ZNF638: variants seen among roughly 807,000 people sequenced by gnomAD.
ZNF638 encodes zinc finger protein 638.
A neutral mutation model predicts 195.6 loss-of-function variants in ZNF638; 46 were observed. The observed-to-expected ratio is 0.24, with a 90% CI of 0.19 to 0.30. The LOEUF is 0.30. ZNF638 is among the 10% of genes least tolerant of loss of function. The probability of loss-of-function intolerance (pLI) is 1.00; values close to 1 mark genes in which losing one functional copy is unlikely to be tolerated. For synonymous variants in ZNF638, 845 were observed against 772.0 expected (o/e 1.09, Z -1.57); for missense variants, 2,440 against 2,325.3 (o/e 1.05, Z -1.01).
intron 20 of ZNF638, 124 bp downstream of exon 20, chr2:71,408,371 C>A: frequency 8.4e-7 from 1 of 1,194,760 alleles, no homozygotes; most frequent in Non-Finnish European, 1.1e-6. Flanking sequence ...GTGTTGCAAT[C>A]AGTGTTCCAA....
rs1005990116 is a variant in ZNF638 at position 71,424,137 on chromosome 2, A to G, written c.4524+99A>G. 32 of 1,450,612 alleles carry G rather than the reference A, an allele frequency of 2.2e-5. 1 individual carries two copies. Among genetic ancestry groups the G allele is most frequent in the African/African-American group, 2.1e-4 (15 of 69,914 alleles). 89.9% of individuals were successfully genotyped at this position (1,450,612 alleles called of 1,614,324 possible). On this transcript the variant is annotated intron_variant, in intron 22 of 27. Coordinates refer to ENST00000264447, the MANE Select transcript of ZNF638 (RefSeq NM_014497.5). ...AGATGTAATTTTGTTTCATACTTTC[A>G]TCTCCTCACTCTACCCCGGAAGCTC... is the stretch of plus-strand genomic sequence containing the variant.
In ZNF638 at chr2:71,388,344, T is replaced by C. The variant is rs555489813; in HGVS notation, c.2377+7779T>C. 3.0e-4 allele frequency: 155 copies of C among 523,702 alleles called. 2 individuals carry two copies. Among genetic ancestry groups the C allele is most frequent in the African/African-American group, 9.5e-4 (45 of 47,190 alleles). 32.4% of individuals were successfully genotyped at this position (523,702 alleles called of 1,614,324 possible). A position where few individuals can be genotyped will look rare whatever the true frequency, so the allele number is the denominator to read the frequency against. ...TTTGATCATCCGACCTTTGATCATC[T>C]GACCTTTGATCATCTGACCTTTGAT... On this transcript the variant is annotated intron_variant, in intron 10 of 27. Coordinates refer to ENST00000264447, the MANE Select transcript of ZNF638 (RefSeq NM_014497.5).
intron 17 of ZNF638, among the ~76,000 whole-genome samples, chr2:71,405,217 T>C (rs578054601): frequency 1.3e-5 from 2 of 152,362 alleles, no homozygotes; most frequent in Non-Finnish European, 2.9e-5. Context: ...TGCTCTGTGC[T>C]GTTTTATTTG....
rs1202587525 is a variant in ZNF638 at position 71,349,838 on chromosome 2, G to A, written c.884G>A (p.Gly295Asp). Reference protein sequence around the residue: ...FSVESGTKMSGLHISGGQSVL... With the variant: ...FSVESGTKMSDLHISGGQSVL... ...GTTGAGAGTGGAACCAAGATGTCAGGCTTACACATTTCAGGAGGACAGTCA... is the reference window on the plus strand; with the variant it reads ...GTTGAGAGTGGAACCAAGATGTCAGACTTACACATTTCAGGAGGACAGTCA... The change falls in exon 2 of 28, where the codon GGC (glycine) becomes GAC (aspartate). Residue 295 changes from glycine to aspartate, a missense_variant. Physicochemically the swap from Gly to Asp is moderately conservative, Grantham distance 94 (BLOSUM62 -1). This residue lies in a region of ZNF638 where 305 missense variants were observed against 283.6 expected (regional missense o/e 1.08). Transcript: ENST00000264447. 6.2e-7 allele frequency: 1 copy of A among 1,613,998 alleles called. No individual in the cohort carries two copies. The highest frequency in any genetic ancestry group is 8.5e-7 in the Non-Finnish European group (1 of 1,180,038).
At chr2:71,432,425 C>T (rs921273465) in intron 26 of ZNF638, among the ~76,000 whole-genome samples, 2 of 152,100 alleles carry the variant, frequency 1.3e-5, no homozygotes, top group African/African-American at 4.8e-5. Context: ...GGTCTCAAAC[C>T]CCTGAGCTCA....
At chr2:71,417,083 C>T (rs1304141187) in intron 20 of ZNF638, among the ~76,000 whole-genome samples, 3 of 126,308 alleles carry the variant, frequency 2.4e-5, no homozygotes, top group Admixed American at 8.1e-5. Context: ...AGCCTCGTTG[C>T]CGCCTTGCAG....
In ZNF638 at chr2:71,425,698, T is replaced by C. The variant is rs530488881; in HGVS notation, c.4591-762T>C. Among the ~76,000 whole-genome samples, 3 of 152,260 alleles carry C rather than the reference T, an allele frequency of 2.0e-5. No homozygotes were observed. The East Asian group carries it at 5.8e-4, about 29-fold the overall frequency. The stretch of plus-strand genomic sequence containing the variant: ...ATTATTATTATTTTGCAACGAAATC[T>C]CACTCCTGTCCCCCAGGCTGGAGTG... On this transcript the variant is annotated intron_variant, in intron 23 of 27. Coordinates refer to ENST00000264447, the MANE Select transcript of ZNF638 (RefSeq NM_014497.5).
intron 10 of ZNF638, chr2:71,393,566 C>T (rs1360690081): frequency 4.2e-6 from 3 of 717,948 alleles, no homozygotes; most frequent in Non-Finnish European, 7.8e-6. Context: ...AAGAAGACAA[C>T]TTACAAGGCT....
In ZNF638 at chr2:71,411,378, C is replaced by A. The variant is rs147134591; in HGVS notation, c.3261+3131C>A. ...TCTGTTTTTCTGGAAATAATACCAGCACTGATTTCATAGATGCTGTATTCT... is the reference window on the plus strand; with the variant it reads ...TCTGTTTTTCTGGAAATAATACCAGAACTGATTTCATAGATGCTGTATTCT... On this transcript the variant is annotated intron_variant, in intron 20 of 27. Coordinates refer to ENST00000264447, the MANE Select transcript of ZNF638 (RefSeq NM_014497.5). 2.4e-3 allele frequency among the ~76,000 whole-genome samples: 359 copies of A among 151,186 alleles called. 1 individual carries two copies. The highest frequency in any genetic ancestry group is 8.4e-3 in the African/African-American group (348 of 41,370).
chr2:71,394,379 T>A (rs910680220), intron 10 of ZNF638, among the ~76,000 whole-genome samples: 4 of 152,108 alleles, frequency 2.6e-5, no homozygotes, highest in Non-Finnish European at 5.9e-5. Flanking sequence ...CCAGTAACAA[T>A]TATACTATGA....
chr2:71,380,321 C>CATAT (rs1287942367), intron 9 of ZNF638, 41 bp downstream of exon 9: 1 of 1,403,458 alleles, frequency 7.1e-7, no homozygotes, highest in Non-Finnish European at 9.7e-7. Flanking sequence ...ATGAAATGTG[C>CATAT]ATATGACTTA....
Position 71,431,382 on chromosome 2 carries a change from T to C in ZNF638, c.5706T>C (p.Thr1902=). 1 of 1,614,116 alleles carries C rather than the reference T, an allele frequency of 6.2e-7. No homozygotes were observed. Residue 1902 remains threonine, a synonymous_variant, in exon 26 of 28, where the codon ACT becomes ACC. Coordinates refer to ENST00000264447, the MANE Select transcript of ZNF638 (RefSeq NM_014497.5). ...AACCAGAGCGAAAACGCAAGAAGAC[T>C]GAAGACTCTTCTTCAGGCAAATCAG... ...DSEPERKRKK[T]EDSSSGKSVA...
At position 71,355,795 on chromosome 2, in the gene ZNF638, T is replaced by A; in HGVS notation, c.1379+15T>A. 6.5e-7 allele frequency: 1 copy of A among 1,531,374 alleles called. No individual in the cohort carries two copies. Among genetic ancestry groups the A allele is most frequent in the Non-Finnish European group, 8.9e-7 (1 of 1,119,830 alleles). 94.9% of individuals were successfully genotyped at this position (1,531,374 alleles called of 1,614,324 possible). A position where few individuals can be genotyped will look rare whatever the true frequency, so the allele number is the denominator to read the frequency against. On this transcript the variant is annotated intron_variant, in intron 3 of 27. Coordinates refer to ENST00000264447, the MANE Select transcript of ZNF638 (RefSeq NM_014497.5). ...TTACGTCAACAGTAAGAATATATTT[T>A]TCCTTTATTATAGATAGCATATTTA...
chr2:71,388,388 CTGACCTTTGAT>C (rs1188445822), intron 10 of ZNF638: 1 of 642,930 alleles, frequency 1.6e-6, no homozygotes, highest in East Asian at 3.1e-5. Context: ...CTTTGATCAT[CTGACCTTTGAT>C]CATCCGCGTG....
At chr2:71,382,251 A>G (rs986923399) in intron 10 of ZNF638, among the ~76,000 whole-genome samples, 2 of 152,178 alleles carry the variant, frequency 1.3e-5, no homozygotes, top group African/African-American at 2.4e-5. Context: ...AGTATCTGCT[A>G]GAGATATTCT....
At chr2:71,408,035 C>T (rs930696788) in intron 19 of ZNF638, 87 bp from the exon 20 acceptor site, 2 of 1,303,578 alleles carry the variant, frequency 1.5e-6, no homozygotes, top group Non-Finnish European at 2.1e-6. Flanking sequence ...TAGGTGTATA[C>T]TAAAAAGTGG....
chr2:71,378,209 G>C (rs140619515), intron 8 of ZNF638, among the ~76,000 whole-genome samples: 1 of 152,138 alleles, frequency 6.6e-6, no homozygotes, highest in East Asian at 1.9e-4. Context: ...GATAATTTTC[G>C]TGTGAAATGT....
At chr2:71,333,049 A>G (rs1176309125) in intron 1 of ZNF638, 1 of 152,208 alleles carries the variant, frequency 6.6e-6, no homozygotes, top group Non-Finnish European at 1.5e-5. Flanking sequence ...AAAATTGATA[A>G]CCTGGAGAAA....
chr2:71,363,005 C>T (rs1283712311), intron 3 of ZNF638, 148 bp from the exon 4 acceptor site: 5 of 678,258 alleles, frequency 7.4e-6, no homozygotes, highest in Non-Finnish European at 1.3e-5. Flanking sequence ...TAGCATAATA[C>T]TTTGATTATT....
Sources: allele counts gnomAD v4.1 joint callset (sites outside exome capture counted in the v4.1 genomes callset), GRCh38; gene constraint gnomAD v4.1.1; regional missense constraint gnomAD v4.1.1; transcripts MANE v1.5; gene names NCBI Gene and HGNC (gene_info 2026-07-23, HGNC 2026-07-21).